The following RNF213 variants were observed in gnomAD, a reference collection of about 807,000 sequenced individuals.
The protein encoded by RNF213 is E3 ubiquitin-protein ligase RNF213.
A neutral mutation model predicts 514.4 loss-of-function variants in RNF213; 341 were observed. The ratio of observed to expected loss-of-function variants is 0.66; its 90% confidence interval spans 0.61 to 0.73. The LOEUF (loss-of-function observed/expected upper bound fraction) is 0.73, where lower values mean the gene tolerates loss of function less well. Among genes scored for constraint, RNF213 ranks in the 30% least tolerant of loss-of-function variants. The probability of loss-of-function intolerance (pLI) is 0.00; values close to 1 mark genes in which losing one functional copy is unlikely to be tolerated. For synonymous variants in RNF213, 2,655 were observed against 2,658.2 expected, an observed-to-expected ratio of 1.00 and a Z score of 0.04; for missense variants, 5,767 against 6,615.6, an observed-to-expected ratio of 0.87 and a Z score of 4.45.
chr17:80,296,609 C>T (rs568116705), intron 10 of RNF213, among the ~76,000 whole-genome samples: 1 of 152,336 alleles, frequency 6.6e-6, no homozygotes, highest in Admixed American at 6.5e-5. Flanking sequence ...TTGATTTGAA[C>T]GTGAGAATGA....
Position 80,313,782 on chromosome 17 carries a change from G to C in RNF213, c.2811+615G>C, listed in dbSNP as rs1482587288. Among the ~76,000 whole-genome samples the C allele has an allele frequency of 5.7e-4, 84 of 147,024 alleles. No homozygotes were observed. The South Asian group carries it at 9.2e-3, about 16-fold the overall frequency. On this transcript the variant is annotated intron_variant, in intron 15 of 67. Coordinates refer to ENST00000582970, the MANE Select transcript of RNF213 (RefSeq NM_001256071.3). ...GGTGGTGGAGGTACTGGAGGTGATG[G>C]TGGTGGTGAAGGTGATGGTGGAGGT...
chr17:80,319,028 G>A (rs2046046642), intron 16 of RNF213, among the ~76,000 whole-genome samples, 162 bp from the exon 17 acceptor site: 2 of 152,190 alleles, frequency 1.3e-5, no homozygotes, highest in South Asian at 4.1e-4. Flanking sequence ...TCTACTGGTG[G>A]GGGGCAGGGA....
At chr17:80,381,126 A>G in intron 56 of RNF213, 139 bp downstream of exon 56, 2 of 897,798 alleles carry the variant, frequency 2.2e-6, no homozygotes, top group East Asian at 4.9e-5. Context: ...TATACAAGTT[A>G]TACATCTTCA....
rs903996328 is a variant in RNF213 at position 80,386,145 on chromosome 17, C to A, written c.14540-105C>A. 8 of 1,128,694 alleles carry A rather than the reference C, an allele frequency of 7.1e-6. No individual in the cohort carries two copies. The South Asian group carries it at 8.8e-5, about 12-fold the overall frequency. The allele number at this position is 1,128,694 out of a possible 1,614,324, so 69.9% of individuals were successfully genotyped here. A position where few individuals can be genotyped will look rare whatever the true frequency, so the allele number is the denominator to read the frequency against. On this transcript the variant is annotated intron_variant, in intron 61 of 67. Coordinates refer to ENST00000582970, the MANE Select transcript of RNF213 (RefSeq NM_001256071.3). ...TGGGGCAGAACCGAGACCCGGCTCC[C>A]GGCTGTGTGTGGAGCTGATGGCTTC...
intron 38 of RNF213, 26 bp downstream of exon 38, chr17:80,360,232 A>C (rs750292851): frequency 7.5e-6 from 12 of 1,605,046 alleles, no homozygotes; most frequent in Non-Finnish European, 1.0e-5. Context: ...GACAGGTCAG[A>C]TTCAGCACAG....
At chr17:80,363,902 G>A (rs2079150706) in intron 41 of RNF213, 112 bp downstream of exon 41, 1 of 1,055,270 alleles carries the variant, frequency 9.5e-7, no homozygotes, top group Non-Finnish European at 1.4e-6. Context: ...GCCATGGGAG[G>A]GGCTCCGTCC....
chr17:80,364,301 C>T, intron 41 of RNF213, 132 bp from the exon 42 acceptor site: 2 of 1,248,198 alleles, frequency 1.6e-6, no homozygotes, highest in Non-Finnish European at 2.3e-6. Context: ...TCACATAGGG[C>T]TTGCTTGTAA....
At chr17:80,366,798 G>A (rs2079293021) in intron 42 of RNF213, among the ~76,000 whole-genome samples, 1 of 152,160 alleles carries the variant, frequency 6.6e-6, no homozygotes, top group South Asian at 2.1e-4. Flanking sequence ...GTCAAACTTG[G>A]AACAGGAAGG....
At chr17:80,278,683 G>C in intron 3 of RNF213, 1 of 1,502,828 alleles carries the variant, frequency 6.7e-7, no homozygotes, top group Non-Finnish European at 8.9e-7. Flanking sequence ...TGGCCCCTGA[G>C]GTGGGGTCTT....
In RNF213 at chr17:80,396,906, C is replaced by G. The variant is rs2080677731; in HGVS notation, c.*3408C>G. The G allele has an allele frequency of 6.6e-6, 1 of 152,240 alleles. No individual in the cohort carries two copies. The highest frequency in any genetic ancestry group is 1.9e-4 in the East Asian group (1 of 5,198). The allele number at this position is 152,240 out of a possible 1,614,324, so 9.4% of individuals were successfully genotyped here. ...GGAGGGGCCCTGGGTCCAGCAAGTG[C>G]TCCACCAGGCTGCCCCTGCTCAGGT... On this transcript the variant is annotated 3_prime_UTR_variant, in exon 68 of 68. Transcript: ENST00000582970.
rs760156655 is a variant in RNF213, at chr17:80,346,774, C to T, written c.8439C>T (p.Ser2813=). Residue 2813 remains serine (S), a synonymous_variant, in exon 29 of 68, where the codon TCC becomes TCT. Transcript: ENST00000582970. This position sits in a 1 kb window ranked among gnomAD's most constrained non-coding sequence, Gnocchi z 8.1. ...HLVSFQCSPH[S]TPQGIISTFR... ...TGTCCTTCCAGTGCAGCCCGCACTCCACCCCACAGGGCATCATCAGCACCT... is the reference window on the plus strand; with the variant it reads ...TGTCCTTCCAGTGCAGCCCGCACTCTACCCCACAGGGCATCATCAGCACCT... 1.2e-6 allele frequency: 2 copies of T among 1,613,838 alleles called. No individual in the cohort carries two copies. The highest frequency in any genetic ancestry group is 1.1e-5 in the South Asian group (1 of 91,068).
At chr17:80,262,806 A>T (rs1290498126) in intron 1 of RNF213, among the ~76,000 whole-genome samples, 4 of 152,086 alleles carry the variant, frequency 2.6e-5, no homozygotes, top group Non-Finnish European at 4.4e-5. Flanking sequence ...AGCCCACCCC[A>T]GTGGGAGGAG....
Position 80,347,347 on chromosome 17 carries a change from C to G in RNF213, c.9012C>G (p.Pro3004=). ...TGGACATCTTTCTGGCCAATTTGCC[C>G]GAGGCCAAGTGCTCAGAGGAAGTCA... ...QALDIFLANL[P]EAKCSEEVSP... Residue 3004 remains proline (P), a synonymous_variant, in exon 29 of 68, where the codon CCC becomes CCG. Transcript: ENST00000582970. This position sits in a 1 kb window ranked among gnomAD's most constrained non-coding sequence, Gnocchi z 7.2. The G allele has an allele frequency of 6.2e-7, 1 of 1,613,900 alleles. No homozygotes were observed. The highest frequency in any genetic ancestry group is 8.5e-7 in the Non-Finnish European group (1 of 1,180,014).
intron 3 of RNF213, among the ~76,000 whole-genome samples, chr17:80,287,261 C>T (rs891166841): frequency 2.0e-5 from 3 of 152,032 alleles, no homozygotes; most frequent in Admixed American, 6.6e-5. Context: ...CTTGGGAGGC[C>T]GAGATGGGCA....
intron 64 of RNF213, chr17:80,388,937 G>C: frequency 3.2e-6 from 2 of 621,008 alleles, no homozygotes; most frequent in Non-Finnish European, 5.8e-6. Context: ...TGCTGAAGCG[G>C]GAAGTCCATG....
chr17:80,288,747 C>T lies in RNF213; in HGVS notation c.925C>T (p.His309Tyr), dbSNP rs751463016. The change falls in exon 5 of 68, where the codon CAC (histidine) becomes TAC (tyrosine). Residue 309 changes from histidine to tyrosine, a missense_variant. By Grantham distance (83) the His-to-Tyr change is moderately conservative (BLOSUM62 2). This residue lies in a region of RNF213 where 509 missense variants were observed against 496.7 expected (regional missense o/e 1.02). Transcript: ENST00000582970. The surrounding 1 kb of genome is among the most constrained non-coding windows in gnomAD (Gnocchi z 4.9). ...PPATTPPFKT[H>Y]CQEAETKTKD... ...AGCAACCACTCCTCCTTTCAAAACA[C>T]ACTGCCAGGTGCGTCTCCTTCCTGC... 1 of 1,614,198 alleles carries T rather than the reference C, an allele frequency of 6.2e-7. No homozygotes were observed. Among genetic ancestry groups the T allele is most frequent in the Non-Finnish European group, 8.5e-7 (1 of 1,180,038 alleles).
intron 35 of RNF213, 126 bp from the exon 36 acceptor site, chr17:80,354,315 T>C: frequency 2.0e-6 from 3 of 1,529,524 alleles, no homozygotes; most frequent in Non-Finnish European, 2.7e-6. Context: ...AGAGCATCTC[T>C]CAGATTTTGC....
At chr17:80,290,206 G>T (rs1335239496) in intron 6 of RNF213, among the ~76,000 whole-genome samples, 1 of 152,240 alleles carries the variant, frequency 6.6e-6, no homozygotes, top group Non-Finnish European at 1.5e-5. Context: ...ACCTCCATGG[G>T]GGGTGGTGTG....
At chr17:80,359,637 G>A (rs993116759) in intron 37 of RNF213, among the ~76,000 whole-genome samples, 8 of 151,526 alleles carry the variant, frequency 5.3e-5, no homozygotes, top group African/African-American at 1.7e-4. Flanking sequence ...AAGAAAGAGT[G>A]AGAGAAAGAA....
Sources: allele counts gnomAD v4.1 joint callset (sites outside exome capture counted in the v4.1 genomes callset), GRCh38; gene constraint gnomAD v4.1.1; regional missense constraint gnomAD v4.1.1; non-coding constraint Gnocchi (gnomAD v3.1); transcripts MANE v1.5; gene names NCBI Gene and HGNC (gene_info 2026-07-23, HGNC 2026-07-21).